Variants in YIPF1 observed in about 807,000 individuals in gnomAD.
YIPF1 encodes Yip1 domain family member 1, also known as protein YIPF1.
Under a neutral mutation model 37.0 loss-of-function variants are expected in YIPF1, and 22 were observed. The observed-to-expected ratio is 0.59, with a 90% confidence interval of 0.42 to 0.85. The LOEUF is 0.85. Ranked by LOEUF, YIPF1 falls within the 40% of genes least tolerant of loss-of-function variation. The pLI is 0.00. For missense variants in YIPF1, 355 were observed against 373.1 expected (o/e 0.95, Z 0.40); for synonymous variants, 128 against 131.9 (o/e 0.97, Z 0.21).
At chr1:53,869,528 G>C (rs1650121663) in intron 7 of YIPF1, among the ~76,000 whole-genome samples, 1 of 152,186 alleles carries the variant, frequency 6.6e-6, no homozygotes, top group Non-Finnish European at 1.5e-5. Flanking sequence ...GTAGAAGCTA[G>C]TGAGTGGTGG....
chr1:53,873,771 A>C (rs1415728908), intron 6 of YIPF1, among the ~76,000 whole-genome samples: 1 of 152,132 alleles, frequency 6.6e-6, no homozygotes, highest in African/African-American at 2.4e-5. Context: ...AGGCAGGCAG[A>C]TCACTTGAGC....
chr1:53,877,725 C>A (rs928876317), intron 6 of YIPF1, among the ~76,000 whole-genome samples: 1 of 152,208 alleles, frequency 6.6e-6, no homozygotes, highest in Non-Finnish European at 1.5e-5. Context: ...ACCTTCTCCT[C>A]CAACATCAAA....
rs115775677 is a variant in YIPF1 at position 53,862,119 on chromosome 1, G to A, written c.832-1966C>T. Reference sequence around the variant, plus strand: ...CAATCACAGCCATCATTTGGGGAATGCCTACTGTGCACCAGACATATACTT... The same window carrying A: ...CAATCACAGCCATCATTTGGGGAATACCTACTGTGCACCAGACATATACTT... On this transcript the variant is annotated intron_variant, in intron 9 of 10. Coordinates refer to ENST00000072644, the MANE Select transcript of YIPF1 (RefSeq NM_018982.5). Among the ~76,000 whole-genome samples the A allele has an allele frequency of 4.4e-3, 664 of 152,332 alleles. 3 individuals carry two copies. Among genetic ancestry groups the A allele is most frequent in the Non-Finnish European group, 6.7e-3 (455 of 68,034 alleles).
chr1:53,869,276 C>T (rs1000255851), intron 7 of YIPF1, among the ~76,000 whole-genome samples: 4 of 152,016 alleles, frequency 2.6e-5, no homozygotes, highest in African/African-American at 9.7e-5. Context: ...TTGCATTAAA[C>T]TCAAACCAAG....
chr1:53,869,959 G>T (rs1384681034), intron 7 of YIPF1, among the ~76,000 whole-genome samples: 1 of 143,622 alleles, frequency 7.0e-6, no homozygotes, highest in Admixed American at 7.1e-5. Context: ...TGCAACCTCC[G>T]CCTCCTGGGT....
intron 6 of YIPF1, among the ~76,000 whole-genome samples, chr1:53,876,086 T>C (rs1650327684): frequency 6.6e-6 from 1 of 152,224 alleles, no homozygotes; most frequent in African/African-American, 2.4e-5. Context: ...CAAGCCAAAC[T>C]GTGTATGTTT....
intron 9 of YIPF1, 138 bp downstream of exon 9, chr1:53,866,062 A>G (rs1010682266): frequency 9.1e-7 from 1 of 1,093,506 alleles, no homozygotes; most frequent in Non-Finnish European, 1.3e-6. Flanking sequence ...GGCCTCCCAA[A>G]GTATTGGGAT....
At chr1:53,860,031 G>A in intron 10 of YIPF1, 25 bp downstream of exon 10, 1 of 1,610,842 alleles carries the variant, frequency 6.2e-7, no homozygotes, top group Non-Finnish European at 8.5e-7. Context: ...GCACCACACA[G>A]CAAAATAAAA....
At chr1:53,888,023 C>T (rs530063303) in intron 3 of YIPF1, among the ~76,000 whole-genome samples, 5 of 152,226 alleles carry the variant, frequency 3.3e-5, no homozygotes, top group South Asian at 4.2e-4. Flanking sequence ...GTCAGAAGTT[C>T]GAGACCAGCC....
Position 53,871,485 on chromosome 1 carries a change from G to A in YIPF1, c.368C>T (p.Pro123Leu), listed in dbSNP as rs1650191678. 1 of 1,611,610 alleles carries A rather than the reference G, an allele frequency of 6.2e-7. No homozygotes were observed. The highest frequency in any genetic ancestry group is 8.5e-7 in the Non-Finnish European group (1 of 1,178,976). The change falls in exon 7 of 11, where the codon CCC (proline) becomes CTC (leucine). Residue 123 changes from proline to leucine, a missense_variant. By Grantham distance (98) the Pro-to-Leu change is moderately conservative. Coordinates refer to ENST00000072644, the MANE Select transcript of YIPF1 (RefSeq NM_018982.5). Reference sequence around the variant, plus strand: ...GACCAACGTGGCACATATCCAAAAGGGGCCTGCAAAGGAAACCAGAAAATT... The same window carrying A: ...GACCAACGTGGCACATATCCAAAAGAGGCCTGCAAAGGAAACCAGAAAATT... ...YIRSNPDLYGPFWICATLVFA... is the reference protein window; with the variant it reads ...YIRSNPDLYGLFWICATLVFA...
intron 7 of YIPF1, 36 bp from the exon 8 acceptor site, chr1:53,866,960 A>G (rs1650045031): frequency 1.7e-5 from 27 of 1,587,748 alleles, no homozygotes; most frequent in Non-Finnish European, 2.2e-5. Flanking sequence ...AATCTCCATC[A>G]TGCCTTTAGT....
At chr1:53,869,160 T>TCTCA (rs911930860) in intron 7 of YIPF1, among the ~76,000 whole-genome samples, 2,289 of 137,952 alleles carry the variant, frequency 0.017, 24 homozygotes, top group East Asian at 0.053. Flanking sequence ...TCTCTCTCTC[T>TCTCA]CACACACACA....
At chr1:53,879,749 T>C (rs934115140) in intron 4 of YIPF1, among the ~76,000 whole-genome samples, 1 of 152,162 alleles carries the variant, frequency 6.6e-6, no homozygotes, top group Non-Finnish European at 1.5e-5. Flanking sequence ...GGATGGCCGA[T>C]TAGAAGTAGC....
chr1:53,870,739 G>A (rs1265552448), intron 7 of YIPF1, among the ~76,000 whole-genome samples: 2 of 151,952 alleles, frequency 1.3e-5, no homozygotes, highest in African/African-American at 4.8e-5. Context: ...CAGGTGTGAT[G>A]GCTCACACCT....
intron 6 of YIPF1, among the ~76,000 whole-genome samples, chr1:53,871,946 G>C (rs987629406): frequency 4.6e-5 from 7 of 151,644 alleles, no homozygotes; most frequent in African/African-American, 1.7e-4. Context: ...AGGGCAAACA[G>C]AACACATGAG....
intron 3 of YIPF1, among the ~76,000 whole-genome samples, chr1:53,885,407 C>T (rs988759360): frequency 6.6e-6 from 1 of 152,194 alleles, no homozygotes; most frequent in Non-Finnish European, 1.5e-5. Flanking sequence ...ACTTGGGACG[C>T]TGAGGCAGGA....
chr1:53,854,957 C>A (rs949053821), intron 10 of YIPF1: 3 of 151,602 alleles, frequency 2.0e-5, no homozygotes, highest in African/African-American at 4.8e-5. Context: ...GAAGAACATA[C>A]GAGAGCTGTA....
At chr1:53,878,528 C>T (rs1650395901) in intron 5 of YIPF1, 114 bp downstream of exon 5, 2 of 1,467,896 alleles carry the variant, frequency 1.4e-6, no homozygotes, top group East Asian at 2.3e-5. Context: ...TAACCCTTTA[C>T]TTTTGTAAGA....
chr1:53,856,693 T>C (rs1649727656), intron 10 of YIPF1, among the ~76,000 whole-genome samples: 1 of 152,242 alleles, frequency 6.6e-6, no homozygotes, highest in African/African-American at 2.4e-5. Flanking sequence ...CTTGGCCCCA[T>C]AATGCTAAAC....
Sources: gnomAD v4.1 joint callset for allele counts (sites outside exome capture counted in the v4.1 genomes callset) on GRCh38, gnomAD v4.1.1 for gene constraint, MANE v1.5 for transcripts, NCBI Gene and HGNC (gene_info 2026-07-23, HGNC 2026-07-21) for gene names.